Variants in SYNE1 observed in about 807,000 individuals in gnomAD.
SYNE1 encodes the protein spectrin repeat containing nuclear envelope protein 1.
SYNE1 carries 616 observed loss-of-function variants against 1,111.0 expected under a neutral mutation model. The observed-to-expected ratio is 0.55, with a 90% CI of 0.52 to 0.59. The LOEUF (loss-of-function observed/expected upper bound fraction) is 0.59. Among genes scored for constraint, SYNE1 ranks in the 20% least tolerant of loss-of-function variants. The pLI is 0.00. For synonymous variants in SYNE1, 3,855 were observed against 3,825.8 expected (o/e 1.01, Z -0.28); for missense variants, 10,006 against 10,417.0 (o/e 0.96, Z 1.72).
chr6:152,475,109 T>A (rs2098827491), intron 14 of SYNE1, among the ~76,000 whole-genome samples: 1 of 152,148 alleles, frequency 6.6e-6, no homozygotes, highest in African/African-American at 2.4e-5. Flanking sequence ...ATACACCTAA[T>A]CATTAAGAAC....
At chr6:152,251,774 A>T (rs1398373760) in intron 104 of SYNE1, among the ~76,000 whole-genome samples, 1 of 152,196 alleles carries the variant, frequency 6.6e-6, no homozygotes, top group African/African-American at 2.4e-5. Flanking sequence ...AAATAAAAAT[A>T]AATAAAAATA....
intron 12 of SYNE1, among the ~76,000 whole-genome samples, 175 bp downstream of exon 12, chr6:152,488,221 A>G (rs1593769733): frequency 6.6e-6 from 1 of 152,328 alleles, no homozygotes; most frequent in East Asian, 1.9e-4. Context: ...GACTATCTAC[A>G]TAAGTTAGAA....
chr6:152,459,450 G>A (rs1384953028), intron 21 of SYNE1, among the ~76,000 whole-genome samples: 1 of 152,114 alleles, frequency 6.6e-6, no homozygotes, highest in African/African-American at 2.4e-5. Flanking sequence ...CCTCCCACCA[G>A]CTCCATGCTT....
intron 45 of SYNE1, among the ~76,000 whole-genome samples, chr6:152,404,606 G>A (rs914478437): frequency 2.6e-5 from 4 of 152,230 alleles, no homozygotes; most frequent in Non-Finnish European, 4.4e-5. Flanking sequence ...AAAGTCTTGA[G>A]TCAGTGGGGA....
At chr6:152,326,978 T>C (rs2096083464) in intron 78 of SYNE1, among the ~76,000 whole-genome samples, 1 of 152,222 alleles carries the variant, frequency 6.6e-6, no homozygotes. Context: ...CAAAGTGCAG[T>C]AATGTCTCCG....
At chr6:152,266,818 T>C (rs116283036) in intron 100 of SYNE1, among the ~76,000 whole-genome samples, 234 of 152,308 alleles carry the variant, frequency 1.5e-3, no homozygotes, top group African/African-American at 5.3e-3. Context: ...TTCGTATATA[T>C]GTATATATGT....
intron 3 of SYNE1, among the ~76,000 whole-genome samples, chr6:152,579,882 A>G (rs1321023154): frequency 2.0e-5 from 3 of 152,112 alleles, no homozygotes; most frequent in African/African-American, 4.8e-5. Flanking sequence ...GTATTATTCC[A>G]TGGTGTGTAT....
intron 127 of SYNE1, among the ~76,000 whole-genome samples, chr6:152,192,988 G>T (rs914898874): frequency 5.9e-5 from 9 of 152,094 alleles, no homozygotes; most frequent in Non-Finnish European, 1.3e-4. Flanking sequence ...GTAGGCAACA[G>T]ATCATTGGGT....
In SYNE1 at chr6:152,231,984, T is replaced by C. The variant is rs1042446136; in HGVS notation, c.20862+132A>G. 1.5e-5 allele frequency: 10 copies of C among 656,704 alleles called. No homozygotes were observed. In the Admixed American group the frequency reaches 2.8e-4, roughly 18 times the overall value. 40.7% of individuals were successfully genotyped at this position (656,704 alleles called of 1,614,324 possible). On this transcript the variant is annotated intron_variant, in intron 113 of 145. Transcript: ENST00000367255. ...AACTGATAATGCATTTTTCTTGCTA[T>C]TGAATTCCTATCTGGTCACTGTGTA...
chr6:152,384,116 A>G (rs2097480585), intron 55 of SYNE1, among the ~76,000 whole-genome samples: 1 of 152,218 alleles, frequency 6.6e-6, no homozygotes, highest in Non-Finnish European at 1.5e-5. Context: ...AAACAACTTT[A>G]TCAGACAGGT....
rs201383844 is a variant in SYNE1 at position 152,479,859 on chromosome 6, ACAAAGTGAACT to A, written c.1350+3215_1350+3225del. On this transcript the variant is annotated intron_variant, in intron 14 of 145. Coordinates refer to ENST00000367255, the MANE Select transcript of SYNE1 (RefSeq NM_182961.4). ...AACAAAACCACTGGCAGAACCATTCACAAAGTGAACTCTCGGAAACACACCTTTAAAAAATG... is the reference window on the plus strand; with the variant it reads ...AACAAAACCACTGGCAGAACCATTCACTCGGAAACACACCTTTAAAAAATG... Among the ~76,000 whole-genome samples, 13 of 152,382 alleles carry A rather than the reference ACAAAGTGAACT, an allele frequency of 8.5e-5. No individual in the cohort carries two copies. In the East Asian group the frequency reaches 2.5e-3, roughly 29 times the overall value.
intron 84 of SYNE1, 34 bp from the exon 85 acceptor site, chr6:152,319,049 A>G (rs1031782508): frequency 1.2e-6 from 2 of 1,612,888 alleles, no homozygotes; most frequent in Admixed American, 1.7e-5. Context: ...AAAACAAGCC[A>G]TGGTTAAAAG....
chr6:152,437,221 C>T (rs540806872), intron 32 of SYNE1, among the ~76,000 whole-genome samples: 1 of 152,252 alleles, frequency 6.6e-6, no homozygotes, highest in African/African-American at 2.4e-5. Context: ...GAGCTATAAT[C>T]TAATCTTAGT....
rs560155321 is a variant in SYNE1 at position 152,526,151 on chromosome 6, C to G, written c.154G>C (p.Asp52His). The G allele has an allele frequency of 1.9e-6, 3 of 1,614,000 alleles. No homozygotes were observed. In the African/African-American group the frequency reaches 4.0e-5, roughly 22 times the overall value. Residue 52 changes from aspartate (D) to histidine (H), a missense_variant, in exon 5 of 146, where the codon GAT becomes CAT. Around this residue, in one of 7 missense-constraint regions of SYNE1, gnomAD observed 1,971 missense variants for 2,084.1 expected, o/e 0.95. Transcript: ENST00000367255. ...CCATCTTTCATGTCTTCAAAAAGATCGTCCACCACCATTGGAGGTTTCCGC... is the reference window on the plus strand; with the variant it reads ...CCATCTTTCATGTCTTCAAAAAGATGGTCCACCACCATTGGAGGTTTCCGC... ...AKRKPPMVVDDLFEDMKDGVK... is the reference protein window; with the variant it reads ...AKRKPPMVVDHLFEDMKDGVK...
At chr6:152,156,216 A>G in intron 131 of SYNE1, 119 bp from the exon 132 acceptor site, 1 of 1,043,986 alleles carries the variant, frequency 9.6e-7, no homozygotes, top group Non-Finnish European at 1.5e-6. Context: ...AATTTCCTTG[A>G]ATGTATGACA....
At chr6:152,263,113 C>G (rs1451162787) in intron 100 of SYNE1, among the ~76,000 whole-genome samples, 1 of 151,520 alleles carries the variant, frequency 6.6e-6, no homozygotes, top group African/African-American at 2.4e-5. Context: ...AGTACAGGGC[C>G]TGGGAAGGTA....
At chr6:152,221,593 C>A (rs779008920) in intron 117 of SYNE1, 34 bp from the exon 118 acceptor site, 50 of 1,612,852 alleles carry the variant, frequency 3.1e-5, no homozygotes, top group Non-Finnish European at 3.9e-5. Flanking sequence ...GATGACATAA[C>A]AGGATCTAAA....
chr6:152,331,644 A>T lies in SYNE1; in HGVS notation c.13041T>A (p.Asn4347Lys), dbSNP rs1196765759. Reference sequence around the variant, plus strand: ...GCTCCTGAAATCTGGACTGCACCACATTTAACTCCTCCAAGTTGGTGACTG... The same window carrying T: ...GCTCCTGAAATCTGGACTGCACCACTTTTAACTCCTCCAAGTTGGTGACTG... Reference protein sequence around the residue: ...QVSVTNLEELNVVQSRFQELM... With the variant: ...QVSVTNLEELKVVQSRFQELM... The change falls in exon 78 of 146, where the codon AAT becomes AAA. Residue 4347 changes from asparagine to lysine, a missense_variant. Physicochemically the swap from Asn to Lys is moderately conservative, Grantham distance 94. This residue lies in a region of SYNE1 where 4,955 missense variants were observed against 5,017.2 expected (regional missense o/e 0.99). Coordinates refer to ENST00000367255, the MANE Select transcript of SYNE1 (RefSeq NM_182961.4). 5.0e-6 allele frequency: 8 copies of T among 1,614,018 alleles called. No homozygotes were observed. The highest frequency in any genetic ancestry group is 6.8e-6 in the Non-Finnish European group (8 of 1,180,026).
intron 3 of SYNE1, among the ~76,000 whole-genome samples, chr6:152,562,303 G>A (rs1382847081): frequency 2.6e-5 from 4 of 152,120 alleles, no homozygotes; most frequent in East Asian, 1.9e-4. Flanking sequence ...AAAAATGCTC[G>A]ACATCACAAA....
Sources: gnomAD v4.1 joint callset for allele counts (sites outside exome capture counted in the v4.1 genomes callset) on GRCh38, gnomAD v4.1.1 for gene constraint, gnomAD v4.1.1 regional missense constraint, MANE v1.5 for transcripts, NCBI Gene and HGNC (gene_info 2026-07-23, HGNC 2026-07-21) for gene names.